The following DIAPH3 variants were observed in gnomAD, a reference collection of about 807,000 sequenced individuals.
DIAPH3 encodes diaphanous related formin 3.
DIAPH3 carries 117 observed loss-of-function variants against 144.3 expected under a neutral mutation model. The ratio of observed to expected loss-of-function variants is 0.81; its 90% CI spans 0.70 to 0.95. The LOEUF (loss-of-function observed/expected upper bound fraction) is 0.95, where lower values mean the gene tolerates loss of function less well. Ranked by LOEUF, DIAPH3 falls within the 40% of genes least tolerant of loss-of-function variation. The probability of loss-of-function intolerance (pLI) is 0.00; values close to 1 mark genes in which losing one functional copy is unlikely to be tolerated. For missense variants in DIAPH3, 1,421 were observed against 1,412.7 expected (o/e 1.01, Z -0.09); for synonymous variants, 519 against 488.9 (o/e 1.06, Z -0.81).
In DIAPH3 at chr13:60,132,971, G is replaced by A. The variant is rs373421558; in HGVS notation, c.199C>T (p.Leu67=). ...GATAATCTTACCATATCATCCGTCA[G>A]TGTCCTAATATTTAAATGCTGCAAA... ...RPKFHLNIRT[L]TDDMLDKFAS... The change falls in exon 2 of 28, where the codon CTG becomes TTG. Residue 67 remains leucine (L), a synonymous_variant. Transcript: ENST00000400324. 5.6e-6 allele frequency: 9 copies of A among 1,606,934 alleles called. No individual in the cohort carries two copies. The highest frequency in any genetic ancestry group is 7.7e-6 in the Non-Finnish European group (9 of 1,174,640).
intron 27 of DIAPH3, among the ~76,000 whole-genome samples, chr13:59,723,253 T>C (rs2035432395): frequency 6.6e-6 from 1 of 152,128 alleles, no homozygotes; most frequent in Non-Finnish European, 1.5e-5. Context: ...CCTAAGACAG[T>C]AGTACAGTAA....
chr13:60,100,951 C>G (rs1386860344), intron 3 of DIAPH3, among the ~76,000 whole-genome samples: 1 of 152,122 alleles, frequency 6.6e-6, no homozygotes, highest in Non-Finnish European at 1.5e-5. Context: ...ACACAGGTAA[C>G]AGAATTCCAT....
rs546380169 is a variant in DIAPH3 at position 59,822,632 on chromosome 13, C to A, written c.3027+10475G>T. Among the ~76,000 whole-genome samples, 8 of 151,968 alleles carry A rather than the reference C, an allele frequency of 5.3e-5. No individual in the cohort carries two copies. In the South Asian group the frequency reaches 1.0e-3, roughly 20 times the overall value. On this transcript the variant is annotated intron_variant, in intron 24 of 27. Transcript: ENST00000400324. ...ATTTTTTTTTGTATTTTAGTAGAGG[C>A]AGGGTTTCACCATGTTGTGCAGGAT...
At chr13:59,992,429 C>A in intron 10 of DIAPH3, 44 bp downstream of exon 10, 1 of 1,464,100 alleles carries the variant, frequency 6.8e-7, no homozygotes. Context: ...TACTCAAGTA[C>A]TCTTTTAATT....
chr13:60,082,491 C>T (rs2057593741), intron 4 of DIAPH3, among the ~76,000 whole-genome samples: 1 of 151,560 alleles, frequency 6.6e-6, no homozygotes, highest in African/African-American at 2.4e-5. Flanking sequence ...TAATTTATAA[C>T]TAAAAGTTAG....
chr13:59,746,269 C>T (rs929208611), intron 27 of DIAPH3, among the ~76,000 whole-genome samples: 3 of 152,048 alleles, frequency 2.0e-5, no homozygotes, highest in African/African-American at 7.2e-5. Flanking sequence ...GTGGCCCAGG[C>T]TAGAATGTAG....
At chr13:59,915,723 A>T (rs2047189083) in intron 19 of DIAPH3, among the ~76,000 whole-genome samples, 1 of 152,110 alleles carries the variant, frequency 6.6e-6, no homozygotes, top group South Asian at 2.1e-4. Context: ...ATAGGAGCCC[A>T]AATGACTCTA....
intron 17 of DIAPH3, among the ~76,000 whole-genome samples, chr13:59,950,182 G>A (rs1032760428): frequency 1.3e-5 from 2 of 152,160 alleles, no homozygotes; most frequent in African/African-American, 4.8e-5. Flanking sequence ...TAAATGCCTA[G>A]ATTTTGCATA....
chr13:59,800,322 C>A (rs753280722), intron 25 of DIAPH3, among the ~76,000 whole-genome samples: 2 of 152,236 alleles, frequency 1.3e-5, no homozygotes, highest in South Asian at 4.2e-4. Flanking sequence ...GAGTTCATAT[C>A]CTACTTATAT....
intron 27 of DIAPH3, among the ~76,000 whole-genome samples, chr13:59,689,749 C>A (rs181888415): frequency 6.6e-6 from 1 of 150,934 alleles, no homozygotes; most frequent in South Asian, 2.1e-4. Flanking sequence ...GGTTTTAGGG[C>A]GGACAGATTT....
At chr13:60,141,317 T>C (rs1594767490) in intron 1 of DIAPH3, among the ~76,000 whole-genome samples, 1 of 117,352 alleles carries the variant, frequency 8.5e-6, no homozygotes, top group East Asian at 2.0e-4. Flanking sequence ...ATAATTCTAA[T>C]TTTTTCTACT....
chr13:59,868,930 C>T (rs991472872), intron 21 of DIAPH3, among the ~76,000 whole-genome samples: 2 of 152,154 alleles, frequency 1.3e-5, no homozygotes, highest in Non-Finnish European at 2.9e-5. Context: ...GAATAATATT[C>T]CAAATGAATA....
intron 24 of DIAPH3, among the ~76,000 whole-genome samples, chr13:59,822,699 C>G (rs1264857839): frequency 6.6e-6 from 1 of 152,054 alleles, no homozygotes; most frequent in Non-Finnish European, 1.5e-5. Context: ...ACTCGGCCTC[C>G]CAAAGTGCTG....
intron 27 of DIAPH3, among the ~76,000 whole-genome samples, chr13:59,703,132 A>G (rs2034207470): frequency 6.6e-6 from 1 of 152,208 alleles, no homozygotes; most frequent in African/African-American, 2.4e-5. Flanking sequence ...GCTGTCCAAT[A>G]TAGTAGCCAT....
In DIAPH3 at chr13:59,665,767, A is replaced by C. The variant is rs1237581892; in HGVS notation, c.*817T>G. On this transcript the variant is annotated 3_prime_UTR_variant, in exon 28 of 28. Coordinates refer to ENST00000400324, the MANE Select transcript of DIAPH3 (RefSeq NM_001042517.2). ...AATTGCAATCCCAAGTTTATTCATA[A>C]AATAAAAAAAGTTGTTACTTTGGAA... is the stretch of plus-strand genomic sequence containing the variant. 6.6e-6 allele frequency: 1 copy of C among 152,640 alleles called. No individual in the cohort carries two copies. Among genetic ancestry groups the C allele is most frequent in the Non-Finnish European group, 1.5e-5 (1 of 68,034 alleles). 9.5% of individuals were successfully genotyped at this position (152,640 alleles called of 1,614,324 possible).
intron 21 of DIAPH3, among the ~76,000 whole-genome samples, chr13:59,874,245 T>C (rs2044466194): frequency 6.6e-6 from 1 of 152,182 alleles, no homozygotes; most frequent in South Asian, 2.1e-4. Flanking sequence ...GACTGCGGCA[T>C]CAGTATTTCT....
At chr13:59,723,732 T>A (rs891381937) in intron 27 of DIAPH3, among the ~76,000 whole-genome samples, 2 of 151,908 alleles carry the variant, frequency 1.3e-5, no homozygotes, top group East Asian at 3.9e-4. Context: ...TGCCTCTGCC[T>A]CCCAAGTAGC....
chr13:60,008,477 A>T (rs2053032881), intron 9 of DIAPH3, 67 bp downstream of exon 9: 1 of 998,734 alleles, frequency 1.0e-6, no homozygotes, highest in Non-Finnish European at 1.6e-6. Context: ...CATATAAACC[A>T]ATCATAAAAC....
intron 4 of DIAPH3, among the ~76,000 whole-genome samples, chr13:60,092,845 CTTGTAACCTGAACTTAGGTTAA>C (rs1489075889): frequency 6.6e-6 from 1 of 152,190 alleles, no homozygotes; most frequent in East Asian, 1.9e-4. Flanking sequence ...AACTTATGTT[CTTGTAACCTGAACTTAGGTTAA>C]AATACCCAAG....
Sources: allele counts gnomAD v4.1 joint callset (sites outside exome capture counted in the v4.1 genomes callset), GRCh38; gene constraint gnomAD v4.1.1; transcripts MANE v1.5; gene names NCBI Gene and HGNC (gene_info 2026-07-23, HGNC 2026-07-21).